Variants in ENTREP2 observed in about 807,000 individuals in gnomAD.
ENTREP2 encodes endosomal transmembrane epsin interactor 2.
the ENTREP2 span, among the ~76,000 whole-genome samples, chr15:29,510,080 TG>T: frequency 6.6e-6 from 1 of 151,978 alleles, no homozygotes; most frequent in South Asian, 2.1e-4. Flanking sequence ...CATCAAAAAG[TG>T]GGTGAAGGAT....
the ENTREP2 span, chr15:29,118,068 T>A: frequency 6.6e-6 from 1 of 152,592 alleles, no homozygotes; most frequent in Non-Finnish European, 1.5e-5. Context: ...AGTAGTGGCA[T>A]GTGTGTAGAT....
At chr15:29,366,401 A>G in the ENTREP2 span, among the ~76,000 whole-genome samples, 4 of 151,842 alleles carry the variant, frequency 2.6e-5, no homozygotes, top group Non-Finnish European at 4.4e-5. Flanking sequence ...TATTATTTAA[A>G]CTAGGATTTT....
chr15:29,207,458 G>A, the ENTREP2 span, among the ~76,000 whole-genome samples: 1 of 151,290 alleles, frequency 6.6e-6, no homozygotes, highest in Non-Finnish European at 1.5e-5. Context: ...TGGGGGGCGG[G>A]GGGGGTGGCC....
At chr15:29,319,182 A>G in the ENTREP2 span, among the ~76,000 whole-genome samples, 1 of 152,252 alleles carries the variant, frequency 6.6e-6, no homozygotes, top group Non-Finnish European at 1.5e-5. Flanking sequence ...ATGGCAGGCC[A>G]CTTCTTACTT....
chr15:29,157,967 T>C, the ENTREP2 span, among the ~76,000 whole-genome samples: 2 of 152,154 alleles, frequency 1.3e-5, no homozygotes, highest in Non-Finnish European at 2.9e-5. Flanking sequence ...TCCAGCCGCC[T>C]TGGCCTCCCA....
the ENTREP2 span, among the ~76,000 whole-genome samples, chr15:29,338,425 C>CAAAA: frequency 1.2e-5 from 1 of 80,624 alleles, no homozygotes; most frequent in African/African-American, 3.9e-5. Flanking sequence ...GACTCCATCT[C>CAAAA]AAAAAAAAAA....
chr15:29,265,616 G>A, the ENTREP2 span: 1 of 152,244 alleles, frequency 6.6e-6, no homozygotes, highest in Non-Finnish European at 1.5e-5. Context: ...TCCAGCCTGG[G>A]CGACAAGAGC....
At chr15:29,667,680 G>C in the ENTREP2 span, among the ~76,000 whole-genome samples, 2 of 151,770 alleles carry the variant, frequency 1.3e-5, no homozygotes, top group Non-Finnish European at 2.9e-5. Context: ...TTTTTAAGTA[G>C]AGACAAGGTT....
chr15:29,375,768 C>G, the ENTREP2 span: 1 of 152,104 alleles, frequency 6.6e-6, no homozygotes, highest in East Asian at 1.9e-4. Context: ...GGTGGCAGCT[C>G]TTAATTGCCA....
At chr15:29,218,315 G>A in the ENTREP2 span, among the ~76,000 whole-genome samples, 1 of 152,146 alleles carries the variant, frequency 6.6e-6, no homozygotes, top group Non-Finnish European at 1.5e-5. Flanking sequence ...GAACTCCTAA[G>A]AGTATATGCC....
At chr15:29,439,660 T>A in the ENTREP2 span, among the ~76,000 whole-genome samples, 2 of 152,130 alleles carry the variant, frequency 1.3e-5, no homozygotes, top group African/African-American at 4.8e-5. Context: ...AAACAGGACA[T>A]TTGCAAGGCC....
the ENTREP2 span, among the ~76,000 whole-genome samples, chr15:29,378,219 A>AAAG: frequency 1.3e-5 from 2 of 151,696 alleles, no homozygotes; most frequent in African/African-American, 4.9e-5. Context: ...TCTTAAAAAA[A>AAAG]AAAAAGAGTA....
the ENTREP2 span, among the ~76,000 whole-genome samples, chr15:29,238,879 A>G: frequency 6.6e-6 from 1 of 152,124 alleles, no homozygotes; most frequent in African/African-American, 2.4e-5. Flanking sequence ...GCATGGTGTT[A>G]AACCATGAGA....
the ENTREP2 span, among the ~76,000 whole-genome samples, chr15:29,477,993 CTA>C: frequency 0.012 from 1,017 of 86,020 alleles, 15 homozygotes; most frequent in East Asian, 0.016. Context: ...TTAAATTTAA[CTA>C]TATATATATA....
chr15:29,605,024 G>GA, the ENTREP2 span, among the ~76,000 whole-genome samples: 3 of 152,196 alleles, frequency 2.0e-5, no homozygotes, highest in African/African-American at 7.2e-5. Context: ...TCTCAGCTTA[G>GA]AAATGTACAG....
the ENTREP2 span, among the ~76,000 whole-genome samples, chr15:29,274,670 C>T: frequency 1.3e-5 from 2 of 152,168 alleles, no homozygotes. Context: ...TATTTGAGGA[C>T]TACACAAAGT....
the ENTREP2 span, among the ~76,000 whole-genome samples, chr15:29,478,400 T>A: frequency 7.7e-4 from 117 of 152,248 alleles, no homozygotes; most frequent in African/African-American, 2.7e-3. Context: ...TAAAAAATAT[T>A]CAGATGTTGT....
the ENTREP2 span, among the ~76,000 whole-genome samples, chr15:29,351,241 T>C: frequency 6.6e-6 from 1 of 152,182 alleles, no homozygotes; most frequent in Non-Finnish European, 1.5e-5. Flanking sequence ...TGTAATGCAA[T>C]GGTAAGTATT....
chr15:29,652,122 C>T, the ENTREP2 span, among the ~76,000 whole-genome samples: 1 of 152,200 alleles, frequency 6.6e-6, no homozygotes, highest in Non-Finnish European at 1.5e-5. Flanking sequence ...ATGGGACAAC[C>T]AGCTGCAGAG....
Sources: allele counts gnomAD v4.1 joint callset (sites outside exome capture counted in the v4.1 genomes callset), GRCh38; gene constraint gnomAD v4.1.1; transcripts MANE v1.5; gene names NCBI Gene and HGNC (gene_info 2026-07-23, HGNC 2026-07-21).